IMMP2L: variants seen among roughly 807,000 people sequenced by gnomAD.
IMMP2L encodes the protein inner mitochondrial membrane peptidase subunit 2.
In IMMP2L, 18 loss-of-function variants were observed where a neutral mutation model predicts 19.3. That is an observed-to-expected ratio of 0.93 (90% CI 0.64 to 1.38). The LOEUF is 1.38. Ranked by LOEUF, IMMP2L falls within the 40% of genes most tolerant of loss-of-function variation. The pLI, the probability that IMMP2L is intolerant of heterozygous loss-of-function variation, is 0.00. For missense variants in IMMP2L, 233 were observed against 218.2 expected, an observed-to-expected ratio of 1.07 and a Z score of -0.43; for synonymous variants, 76 against 73.0, an observed-to-expected ratio of 1.04 and a Z score of -0.21.
intron 1 of IMMP2L, among the ~76,000 whole-genome samples, chr7:111,553,154 AAAC>A (rs1187774361): frequency 3.3e-5 from 5 of 152,174 alleles, no homozygotes; most frequent in Non-Finnish European, 5.9e-5. Context: ...TCATGTTACA[AAAC>A]AACAGAGAAC....
chr7:111,148,370 T>C (rs1254680080), intron 3 of IMMP2L, among the ~76,000 whole-genome samples: 1 of 151,886 alleles, frequency 6.6e-6, no homozygotes, highest in East Asian at 1.9e-4. Context: ...GAGGAAGGAA[T>C]AGGGAATGAT....
At chr7:110,840,856 G>A (rs1205233448) in intron 5 of IMMP2L, among the ~76,000 whole-genome samples, 2 of 151,806 alleles carry the variant, frequency 1.3e-5, no homozygotes, top group African/African-American at 4.8e-5. Context: ...GTACAAAAAT[G>A]TTATTTCATA....
At chr7:111,023,951 T>C (rs1826556204) in intron 3 of IMMP2L, among the ~76,000 whole-genome samples, 1 of 152,216 alleles carries the variant, frequency 6.6e-6, no homozygotes, top group African/African-American at 2.4e-5. Context: ...GTCCAGTATA[T>C]ATTCAACTGT....
At chr7:111,201,485 G>C (rs185654200) in intron 3 of IMMP2L, among the ~76,000 whole-genome samples, 1 of 152,086 alleles carries the variant, frequency 6.6e-6, no homozygotes, top group Non-Finnish European at 1.5e-5. Context: ...GGAGGCTGAG[G>C]GGGGCAGACT....
At chr7:110,990,136 C>T (rs1822299252) in intron 3 of IMMP2L, among the ~76,000 whole-genome samples, 1 of 152,030 alleles carries the variant, frequency 6.6e-6, no homozygotes. Context: ...GACTACATAG[C>T]CACACAAATA....
intron 3 of IMMP2L, among the ~76,000 whole-genome samples, chr7:111,189,803 T>C (rs969988859): frequency 4.6e-5 from 7 of 152,138 alleles, no homozygotes; most frequent in African/African-American, 1.7e-4. Context: ...ATAGAGGGCT[T>C]AGGAGTAGAA....
chr7:110,886,670 CA>C lies in IMMP2L; in HGVS notation c.330del (p.Tyr110Ter), dbSNP rs760203318. ...CAGATGTGACCACGGGGGACTTTGA[CA>C]TACCGGTTTTTGTGTCCTATGGTTC... is the stretch of plus-strand genomic sequence containing the variant. Reference protein sequence around the residue: ...IVRTIGHKNRYVKVPRGHIWV... With the variant: ...IVRTIGHKNRXVKVPRGHIWV... On this transcript the variant is annotated frameshift_variant, in exon 5 of 6. Transcript: ENST00000405709. LOFTEE classifies it high-confidence loss of function. The C allele has an allele frequency of 8.1e-6, 13 of 1,601,074 alleles. No individual in the cohort carries two copies. The highest frequency in any genetic ancestry group is 1.1e-5 in the Non-Finnish European group (13 of 1,168,456).
At chr7:111,315,982 C>A (rs1824026083) in intron 3 of IMMP2L, among the ~76,000 whole-genome samples, 1 of 152,098 alleles carries the variant, frequency 6.6e-6, no homozygotes. Flanking sequence ...GGTATACTTA[C>A]ACAAACATAG....
At chr7:110,985,209 G>A (rs889513572) in intron 3 of IMMP2L, among the ~76,000 whole-genome samples, 4 of 151,968 alleles carry the variant, frequency 2.6e-5, no homozygotes, top group African/African-American at 9.7e-5. Context: ...ACCTTTGTTG[G>A]ACCTCTGAAC....
In IMMP2L at chr7:111,030,925, TAA is replaced by T. The variant is rs1790743824; in HGVS notation, c.240-67362_240-67361del. 2.7e-5 allele frequency among the ~76,000 whole-genome samples: 3 copies of T among 109,660 alleles called. No individual in the cohort carries two copies. In the South Asian group the frequency reaches 9.5e-4, roughly 35 times the overall value. The allele number at this position is 109,660 out of a possible 152,430, so 71.9% of individuals were successfully genotyped here. On this transcript the variant is annotated intron_variant, in intron 3 of 5. Transcript: ENST00000405709. ...ATATATATATATATATATATATATA[TAA>T]AATATATATACACGAGAATTAGACA...
At chr7:111,017,509 A>G (rs1825834849) in intron 3 of IMMP2L, among the ~76,000 whole-genome samples, 1 of 152,136 alleles carries the variant, frequency 6.6e-6, no homozygotes, top group Non-Finnish European at 1.5e-5. Context: ...CAACTACCAC[A>G]GGATCAGTGA....
chr7:111,330,878 T>A (rs1248664236), intron 3 of IMMP2L, among the ~76,000 whole-genome samples: 4 of 151,932 alleles, frequency 2.6e-5, no homozygotes, highest in Middle Eastern at 3.4e-3. Context: ...CACAATGAGA[T>A]ATCATCTTAC....
At chr7:111,556,020 A>G (rs200120928) in intron 1 of IMMP2L, among the ~76,000 whole-genome samples, 843 of 53,114 alleles carry the variant, frequency 0.016, 81 homozygotes, top group African/African-American at 0.035. Context: ...GTGTGCATGT[A>G]TATATATATA....
intron 3 of IMMP2L, among the ~76,000 whole-genome samples, chr7:111,242,862 C>A (rs1036938908): frequency 6.6e-6 from 1 of 152,062 alleles, no homozygotes. Context: ...TGGACTCCGA[C>A]ATACTATTTT....
intron 3 of IMMP2L, among the ~76,000 whole-genome samples, chr7:111,236,654 A>G (rs1814352138): frequency 1.3e-5 from 2 of 152,002 alleles, no homozygotes; most frequent in African/African-American, 4.8e-5. Context: ...CTCTCTGTGC[A>G]TCTTCTCTCC....
At chr7:111,472,271 A>T (rs1039864675) in intron 3 of IMMP2L, among the ~76,000 whole-genome samples, 1 of 151,952 alleles carries the variant, frequency 6.6e-6, no homozygotes, top group Non-Finnish European at 1.5e-5. Flanking sequence ...ACATCTCTTT[A>T]AAAAAAAGTT....
chr7:110,698,662 A>G (rs1230394924), intron 5 of IMMP2L, among the ~76,000 whole-genome samples: 1 of 152,232 alleles, frequency 6.6e-6, no homozygotes, highest in African/African-American at 2.4e-5. Flanking sequence ...GGGCTGGAAG[A>G]CAGGAGGAGC....
intron 3 of IMMP2L, among the ~76,000 whole-genome samples, chr7:111,285,276 T>C (rs1350826695): frequency 1.3e-5 from 2 of 152,148 alleles, no homozygotes; most frequent in Non-Finnish European, 2.9e-5. Context: ...CGTATGATCA[T>C]CTAAGCAGGA....
At chr7:110,778,054 A>G (rs1180859813) in intron 5 of IMMP2L, among the ~76,000 whole-genome samples, 4 of 151,970 alleles carry the variant, frequency 2.6e-5, no homozygotes, top group African/African-American at 4.8e-5. Flanking sequence ...GACTATGTCA[A>G]CTTTACTAAG....
Sources: gnomAD v4.1 joint callset for allele counts (sites outside exome capture counted in the v4.1 genomes callset) on GRCh38, gnomAD v4.1.1 for gene constraint, MANE v1.5 for transcripts, NCBI Gene and HGNC (gene_info 2026-07-23, HGNC 2026-07-21) for gene names.